PDZD8: variants seen among roughly 807,000 people sequenced by gnomAD.
PDZD8 encodes PDZ domain containing 8.
PDZD8 carries 14 observed loss-of-function variants against 85.8 expected under a neutral mutation model. That is an observed-to-expected ratio of 0.16 (90% CI 0.11 to 0.26). The LOEUF is 0.26. PDZD8 is among the 10% of genes least tolerant of loss of function. The probability of loss-of-function intolerance (pLI) is 1.00; values close to 1 mark genes in which losing one functional copy is unlikely to be tolerated. For synonymous variants in PDZD8, 592 were observed against 568.6 expected (o/e 1.04, Z -0.59); for missense variants, 1,197 against 1,424.3 (o/e 0.84, Z 2.57).
chr10:117,306,800 C>A (rs1402472790), intron 3 of PDZD8, among the ~76,000 whole-genome samples: 1 of 151,962 alleles, frequency 6.6e-6, no homozygotes, highest in East Asian at 1.9e-4. Context: ...AACATTTTGC[C>A]ACATTTGTTT....
chr10:117,341,156 A>T (rs752708486), intron 1 of PDZD8, 54 bp from the exon 2 acceptor site: 45 of 1,570,374 alleles, frequency 2.9e-5, no homozygotes, highest in Non-Finnish European at 3.8e-5. Context: ...CCACAGTTTA[A>T]AGCATAACAA....
chr10:117,335,638 T>A (rs1206948108), intron 2 of PDZD8, among the ~76,000 whole-genome samples: 1 of 152,128 alleles, frequency 6.6e-6, no homozygotes, highest in African/African-American at 2.4e-5. Flanking sequence ...AGACTAAATC[T>A]GAAAGCAATC....
At chr10:117,371,341 C>G (rs910549835) in intron 1 of PDZD8, among the ~76,000 whole-genome samples, 2 of 152,098 alleles carry the variant, frequency 1.3e-5, no homozygotes, top group Admixed American at 6.5e-5. Flanking sequence ...CCCGCCACCA[C>G]GCCCAGCTAA....
At chr10:117,285,532 G>C in intron 4 of PDZD8, 61 bp from the exon 5 acceptor site, 2 of 1,340,992 alleles carry the variant, frequency 1.5e-6, no homozygotes, top group South Asian at 1.6e-5. Flanking sequence ...TACTACATTT[G>C]TTAAATGTAT....
At position 117,352,744 on chromosome 10, in the gene PDZD8, A is replaced by G. The variant is rs1193953538; in HGVS notation, c.873-11642T>C. Among the ~76,000 whole-genome samples the G allele has an allele frequency of 2.0e-5, 3 of 152,232 alleles. No individual in the cohort carries two copies. In the East Asian group the frequency reaches 5.8e-4, roughly 29 times the overall value. On this transcript the variant is annotated intron_variant, in intron 1 of 4. Coordinates refer to ENST00000334464, the MANE Select transcript of PDZD8 (RefSeq NM_173791.5). ...GGGGTTCTTCCTGCCCACAGCATAA[A>G]GACAGACCATGGTGGCATTGTCATA...
intron 2 of PDZD8, among the ~76,000 whole-genome samples, chr10:117,337,437 G>A (rs1844536130): frequency 6.6e-6 from 1 of 152,082 alleles, no homozygotes; most frequent in Middle Eastern, 3.2e-3. Flanking sequence ...CAGAATGACT[G>A]CTTTTTAAAA....
chr10:117,278,888 T>A lies in PDZD8; in HGVS notation c.*4380A>T, dbSNP rs1211429850. The A allele has an allele frequency of 6.6e-6, 1 of 152,184 alleles. No homozygotes were observed. Among genetic ancestry groups the A allele is most frequent in the African/African-American group, 2.4e-5 (1 of 41,440 alleles). 9.4% of individuals were successfully genotyped at this position (152,184 alleles called of 1,614,324 possible). On this transcript the variant is annotated 3_prime_UTR_variant, in exon 5 of 5. Transcript: ENST00000334464. Reference sequence around the variant, plus strand: ...TTTGGAAGATGGCTCTGGAGGAAACTCTCATATGGCTAAAAAGGCAGGCTA... The same window carrying A: ...TTTGGAAGATGGCTCTGGAGGAAACACTCATATGGCTAAAAAGGCAGGCTA...
rs1014890598 is a variant in PDZD8 at position 117,290,204 on chromosome 10, G to C, written c.1243C>G (p.Arg415Gly). 1 of 1,613,528 alleles carries C rather than the reference G, an allele frequency of 6.2e-7. No individual in the cohort carries two copies. Among genetic ancestry groups the C allele is most frequent in the Non-Finnish European group, 8.5e-7 (1 of 1,179,756 alleles). ...AAIADLQRGD[R>G]LIAIGGVKIT... ...TAATTACCTCCAATGGCGATAAGTC[G>C]ATCTCCCCGCTGAAGATCTGCAATT... Residue 415 changes from arginine (R) to glycine (G), a missense_variant, in exon 4 of 5, where the codon CGA (arginine) becomes GGA (glycine). Physicochemically the swap from Arg to Gly is moderately radical, Grantham distance 125. Coordinates refer to ENST00000334464, the MANE Select transcript of PDZD8 (RefSeq NM_173791.5).
At chr10:117,294,336 A>C (rs78828739) in intron 3 of PDZD8, among the ~76,000 whole-genome samples, 14 of 130,132 alleles carry the variant, frequency 1.1e-4, no homozygotes, top group African/African-American at 3.0e-4. Context: ...ACAAAAAAAA[A>C]AAAAAAAAAC....
At chr10:117,339,252 A>G (rs1844569155) in intron 2 of PDZD8, among the ~76,000 whole-genome samples, 1 of 152,150 alleles carries the variant, frequency 6.6e-6, no homozygotes. Flanking sequence ...CAAGTACTTA[A>G]TTGTATTATG....
chr10:117,292,771 C>CA (rs201930944), intron 3 of PDZD8, among the ~76,000 whole-genome samples: 6,523 of 126,124 alleles, frequency 0.052, 175 homozygotes, highest in Middle Eastern at 0.083. Context: ...ATTCCAGATG[C>CA]AAAAAAAAAA....
chr10:117,303,059 G>A (rs1481771647), intron 3 of PDZD8, among the ~76,000 whole-genome samples: 2 of 152,190 alleles, frequency 1.3e-5, no homozygotes, highest in Non-Finnish European at 2.9e-5. Context: ...ATGTGGAAGC[G>A]ACTTTGGAAC....
chr10:117,280,636 C>A lies in PDZD8; in HGVS notation c.*2632G>T, dbSNP rs1589990652. 6.6e-6 allele frequency: 1 copy of A among 152,098 alleles called. No homozygotes were observed. The highest frequency in any genetic ancestry group is 3.4e-3 in the Middle Eastern group (1 of 294). The allele number at this position is 152,098 out of a possible 1,614,324, so 9.4% of individuals were successfully genotyped here. ...ATACTCTAGGCTATTTGGAGTGTTC[C>A]CCCACTTGCACTAAAGTACAACTAT... is the stretch of plus-strand genomic sequence containing the variant. On this transcript the variant is annotated 3_prime_UTR_variant, in exon 5 of 5. Transcript: ENST00000334464.
chr10:117,304,782 G>A (rs1843906458), intron 3 of PDZD8, among the ~76,000 whole-genome samples: 1 of 152,148 alleles, frequency 6.6e-6, no homozygotes, highest in Non-Finnish European at 1.5e-5. Flanking sequence ...TGCCATGTAA[G>A]AAGTGTCTTT....
intron 1 of PDZD8, among the ~76,000 whole-genome samples, chr10:117,366,393 G>C (rs1337626584): frequency 1.3e-5 from 2 of 152,098 alleles, no homozygotes; most frequent in African/African-American, 4.8e-5. Context: ...AGACTTAAAA[G>C]TACTTTCAAT....
At chr10:117,341,350 G>T (rs773686815) in intron 1 of PDZD8, among the ~76,000 whole-genome samples, 14 of 152,156 alleles carry the variant, frequency 9.2e-5, no homozygotes, top group Middle Eastern at 3.2e-3. Flanking sequence ...GAAAAGAAAA[G>T]CCTAGAGGCA....
intron 1 of PDZD8, among the ~76,000 whole-genome samples, chr10:117,358,050 G>A (rs1844931552): frequency 6.6e-6 from 1 of 152,028 alleles, no homozygotes; most frequent in Non-Finnish European, 1.5e-5. Context: ...ATGAGTGACA[G>A]ATCATGACTG....
At chr10:117,325,302 G>A (rs983626499) in intron 2 of PDZD8, among the ~76,000 whole-genome samples, 1 of 151,526 alleles carries the variant, frequency 6.6e-6, no homozygotes. Context: ...TATAGGTGAC[G>A]TTTAATGGTG....
intron 3 of PDZD8, among the ~76,000 whole-genome samples, chr10:117,308,816 C>T (rs1340935536): frequency 1.3e-5 from 2 of 151,896 alleles, no homozygotes; most frequent in Non-Finnish European, 2.9e-5. Flanking sequence ...AATAATAGTG[C>T]CTATTATTAT....
Sources: gnomAD v4.1 joint callset for allele counts (sites outside exome capture counted in the v4.1 genomes callset) on GRCh38, gnomAD v4.1.1 for gene constraint, MANE v1.5 for transcripts, NCBI Gene and HGNC (gene_info 2026-07-23, HGNC 2026-07-21) for gene names.